EGFLAM: variants seen among roughly 807,000 people sequenced by gnomAD.
EGFLAM encodes EGF like, fibronectin type III and laminin G domains, also known as pikachurin.
EGFLAM carries 79 observed loss-of-function variants against 113.1 expected under a neutral mutation model. That is an observed-to-expected ratio of 0.70 (90% CI 0.58 to 0.84). The LOEUF is 0.84. Among genes scored for constraint, EGFLAM ranks in the 40% least tolerant of loss-of-function variants. The probability of loss-of-function intolerance (pLI) is 0.00; values close to 1 mark genes in which losing one functional copy is unlikely to be tolerated. For missense variants in EGFLAM, 1,265 were observed against 1,291.6 expected (o/e 0.98, Z 0.32); for synonymous variants, 504 against 487.6 (o/e 1.03, Z -0.44).
Position 38,448,529 on chromosome 5 carries a change from A to G in EGFLAM, c.2543+150A>G, listed in dbSNP as rs543154511. 89 of 735,768 alleles carry G rather than the reference A, an allele frequency of 1.2e-4. No individual in the cohort carries two copies. The South Asian group carries it at 1.6e-3, about 13-fold the overall frequency. The allele number at this position is 735,768 out of a possible 1,614,324, so 45.6% of individuals were successfully genotyped here. Reference sequence around the variant, plus strand: ...CCTCAGGGGAAAAACACACACAACAAGAAATAAACATAGAAACTAGAGCAA... The same window carrying G: ...CCTCAGGGGAAAAACACACACAACAGGAAATAAACATAGAAACTAGAGCAA... On this transcript the variant is annotated intron_variant, in intron 18 of 21. Transcript: ENST00000322350.
At chr5:38,283,013 G>C (rs1758057505) in intron 1 of EGFLAM, among the ~76,000 whole-genome samples, 1 of 152,062 alleles carries the variant, frequency 6.6e-6, no homozygotes, top group Non-Finnish European at 1.5e-5. Context: ...CACCACACCA[G>C]GCTAATTGTT....
chr5:38,344,312 C>T (rs958642969), intron 3 of EGFLAM, among the ~76,000 whole-genome samples: 12 of 152,074 alleles, frequency 7.9e-5, no homozygotes, highest in Non-Finnish European at 1.6e-4. Flanking sequence ...GTGGTGAAAC[C>T]CCATCTCTAC....
chr5:38,457,397 A>T (rs1430262680), intron 19 of EGFLAM, among the ~76,000 whole-genome samples: 1 of 152,170 alleles, frequency 6.6e-6, no homozygotes, highest in African/African-American at 2.4e-5. Flanking sequence ...CTCAGGGAGA[A>T]TCGGCTCCAT....
chr5:38,270,243 T>C (rs1757735246), intron 1 of EGFLAM, among the ~76,000 whole-genome samples: 1 of 152,156 alleles, frequency 6.6e-6, no homozygotes, highest in South Asian at 2.1e-4. Flanking sequence ...ATCCCCAAAA[T>C]CTTTTCAGAT....
intron 1 of EGFLAM, among the ~76,000 whole-genome samples, chr5:38,311,601 G>A (rs1246255413): frequency 6.6e-6 from 1 of 152,138 alleles, no homozygotes; most frequent in East Asian, 1.9e-4. Context: ...GGACAAACCT[G>A]CCTGTTTTTT....
At chr5:38,321,733 C>T (rs989770943) in intron 1 of EGFLAM, among the ~76,000 whole-genome samples, 2 of 152,060 alleles carry the variant, frequency 1.3e-5, no homozygotes, top group African/African-American at 4.8e-5. Context: ...ACACTTGGGC[C>T]AGAAGAATCC....
intron 5 of EGFLAM, among the ~76,000 whole-genome samples, chr5:38,357,938 C>T (rs2112003345): frequency 6.8e-6 from 1 of 146,104 alleles, no homozygotes. Flanking sequence ...TCTTGGCTCA[C>T]TGCAACCTCT....
chr5:38,287,857 A>G (rs143159551), intron 1 of EGFLAM, among the ~76,000 whole-genome samples: 8 of 152,220 alleles, frequency 5.3e-5, no homozygotes, highest in African/African-American at 4.8e-5. Context: ...ATTAATGTTT[A>G]CATATCTGTG....
intron 16 of EGFLAM, 134 bp from the exon 17 acceptor site, chr5:38,438,138 AAAG>A: frequency 1.3e-6 from 1 of 783,158 alleles, no homozygotes; most frequent in South Asian, 3.2e-5. Flanking sequence ...AAAAAAAAAA[AAAG>A]TGGAAACTGG....
intron 1 of EGFLAM, among the ~76,000 whole-genome samples, chr5:38,304,938 G>T (rs193047248): frequency 6.6e-6 from 1 of 152,156 alleles, no homozygotes; most frequent in East Asian, 1.9e-4. Flanking sequence ...AAGAGCCTTG[G>T]GATTTTAATA....
At chr5:38,459,840 A>G (rs1387425855) in intron 20 of EGFLAM, among the ~76,000 whole-genome samples, 1 of 152,200 alleles carries the variant, frequency 6.6e-6, no homozygotes, top group Admixed American at 6.5e-5. Context: ...ATGGGGATAC[A>G]GAGGCAGATC....
At chr5:38,315,548 A>C (rs1738570885) in intron 1 of EGFLAM, among the ~76,000 whole-genome samples, 1 of 152,216 alleles carries the variant, frequency 6.6e-6, no homozygotes, top group Admixed American at 6.5e-5. Context: ...CCAACTGAAC[A>C]GACCTTATAT....
intron 1 of EGFLAM, among the ~76,000 whole-genome samples, chr5:38,265,262 TGGC>T (rs1192003665): frequency 3.9e-5 from 6 of 152,194 alleles, no homozygotes; most frequent in African/African-American, 1.4e-4. Flanking sequence ...CTAGTAATTT[TGGC>T]TAGATTTCTG....
At chr5:38,322,947 C>T (rs1166925016) in intron 1 of EGFLAM, among the ~76,000 whole-genome samples, 1 of 152,210 alleles carries the variant, frequency 6.6e-6, no homozygotes, top group Non-Finnish European at 1.5e-5. Flanking sequence ...GCCTTGAGGG[C>T]ATCACCTTGG....
At chr5:38,312,435 T>C (rs1738479517) in intron 1 of EGFLAM, among the ~76,000 whole-genome samples, 1 of 151,576 alleles carries the variant, frequency 6.6e-6, no homozygotes, top group African/African-American at 2.4e-5. Context: ...AGAGACGGGG[T>C]TTCACCATGT....
chr5:38,352,439 G>A lies in EGFLAM; in HGVS notation c.545+108G>A, dbSNP rs552867590. On this transcript the variant is annotated intron_variant, in intron 5 of 21. Transcript: ENST00000322350. The stretch of plus-strand genomic sequence containing the variant: ...TGAGGCGGGCAGATCACAAGGTCAG[G>A]AGTTCGAGACCAGCCTGACCAACAT... 4.2e-4 allele frequency: 603 copies of A among 1,446,482 alleles called. 1 individual carries two copies. Among genetic ancestry groups the A allele is most frequent in the Middle Eastern group, 1.0e-3 (5 of 5,004 alleles). 89.6% of individuals were successfully genotyped at this position (1,446,482 alleles called of 1,614,324 possible).
At chr5:38,445,535 A>G (rs1191744392) in intron 17 of EGFLAM, 2 of 1,569,198 alleles carry the variant, frequency 1.3e-6, no homozygotes, top group Non-Finnish European at 1.7e-6. Context: ...CACATTCCCT[A>G]AGAGGACGTT....
At chr5:38,346,792 G>A (rs1211087972) in intron 3 of EGFLAM, among the ~76,000 whole-genome samples, 1 of 152,184 alleles carries the variant, frequency 6.6e-6, no homozygotes, top group Non-Finnish European at 1.5e-5. Flanking sequence ...CAGAGGGTTG[G>A]ATCCACCTGT....
chr5:38,425,406 A>G (rs1445869892), intron 13 of EGFLAM, among the ~76,000 whole-genome samples: 1 of 152,110 alleles, frequency 6.6e-6, no homozygotes, highest in Non-Finnish European at 1.5e-5. Flanking sequence ...ACCTCAAGTG[A>G]TCCACCCGCC....
Sources: allele counts gnomAD v4.1 joint callset (sites outside exome capture counted in the v4.1 genomes callset), GRCh38; gene constraint gnomAD v4.1.1; transcripts MANE v1.5; gene names NCBI Gene and HGNC (gene_info 2026-07-23, HGNC 2026-07-21).